Variants in HMGN3 observed in about 807,000 individuals in gnomAD.
HMGN3 encodes high mobility group nucleosomal binding domain 3, also known as high mobility group nucleosome-binding domain-containing protein 3.
In HMGN3, 6 loss-of-function variants were observed where a neutral mutation model predicts 18.8. That is an observed-to-expected ratio of 0.32 (90% CI 0.18 to 0.63). The LOEUF (loss-of-function observed/expected upper bound fraction) is 0.63. Among genes scored for constraint, HMGN3 ranks in the 30% least tolerant of loss-of-function variants. The pLI is 0.79. For synonymous variants in HMGN3, 40 were observed against 36.5 expected (o/e 1.10, Z -0.35); for missense variants, 107 against 114.2 (o/e 0.94, Z 0.29).
intron 1 of HMGN3, among the ~76,000 whole-genome samples, chr6:79,219,755 G>T (rs1225663754): frequency 6.6e-6 from 1 of 152,036 alleles, no homozygotes; most frequent in Admixed American, 6.6e-5. Context: ...TGCAAAAAAA[G>T]ATTAATGAGA....
At chr6:79,210,449 C>G (rs1224572042) in intron 2 of HMGN3, among the ~76,000 whole-genome samples, 4 of 152,196 alleles carry the variant, frequency 2.6e-5, no homozygotes, top group African/African-American at 7.2e-5. Flanking sequence ...TTGATGTCAA[C>G]TCATGTGCAC....
chr6:79,207,104 A>T (rs1161337950), intron 3 of HMGN3, among the ~76,000 whole-genome samples: 1 of 152,194 alleles, frequency 6.6e-6, no homozygotes, highest in Middle Eastern at 3.2e-3. Flanking sequence ...AGTGGAAGGG[A>T]ATTGCCTTAT....
chr6:79,215,363 A>G (rs1338153435), intron 1 of HMGN3, among the ~76,000 whole-genome samples: 1 of 152,198 alleles, frequency 6.6e-6, no homozygotes, highest in Non-Finnish European at 1.5e-5. Context: ...AATGCCTGGG[A>G]GCCACCCTCT....
intron 1 of HMGN3, among the ~76,000 whole-genome samples, chr6:79,229,751 G>A (rs566972793): frequency 2.0e-5 from 3 of 151,974 alleles, no homozygotes; most frequent in Non-Finnish European, 4.4e-5. Flanking sequence ...AGTGGCGGGC[G>A]CCTGTAGTCC....
intron 1 of HMGN3, among the ~76,000 whole-genome samples, chr6:79,217,971 A>G (rs1777079464): frequency 6.6e-6 from 1 of 152,260 alleles, no homozygotes; most frequent in South Asian, 2.1e-4. Context: ...CCCACTCTCC[A>G]GGACACAACA....
At chr6:79,226,107 C>A (rs1777554468) in intron 1 of HMGN3, among the ~76,000 whole-genome samples, 1 of 152,102 alleles carries the variant, frequency 6.6e-6, no homozygotes, top group Non-Finnish European at 1.5e-5. Flanking sequence ...AGCAAAATTC[C>A]TGAGTAAAAG....
chr6:79,220,126 C>T (rs1053442764), intron 1 of HMGN3, among the ~76,000 whole-genome samples: 5 of 151,994 alleles, frequency 3.3e-5, no homozygotes, highest in Non-Finnish European at 7.4e-5. Flanking sequence ...ATACTATGGT[C>T]CTGGTTTTGT....
At chr6:79,217,910 G>A (rs1777074948) in intron 1 of HMGN3, among the ~76,000 whole-genome samples, 1 of 152,238 alleles carries the variant, frequency 6.6e-6, no homozygotes, top group Admixed American at 6.5e-5. Context: ...TGTGAAAGAT[G>A]AGGAGAGTTA....
intron 1 of HMGN3, among the ~76,000 whole-genome samples, chr6:79,225,065 A>G (rs1777501537): frequency 6.6e-6 from 1 of 152,248 alleles, no homozygotes; most frequent in South Asian, 2.1e-4. Context: ...ATGGAACTTA[A>G]GGAGCCTTTA....
intron 5 of HMGN3, 47 bp from the exon 6 acceptor site, chr6:79,202,202 A>G: frequency 6.2e-7 from 1 of 1,611,026 alleles, no homozygotes; most frequent in African/African-American, 1.3e-5. Flanking sequence ...AGAACGTGCT[A>G]TCACCGGCTG....
At chr6:79,214,869 T>C (rs1239861054) in intron 2 of HMGN3, 103 bp downstream of exon 2, 18 of 710,268 alleles carry the variant, frequency 2.5e-5, no homozygotes, top group Non-Finnish European at 4.1e-5. Flanking sequence ...TATTAAACTT[T>C]GTTCATACAA....
At position 79,227,529 on chromosome 6, in the gene HMGN3, C is replaced by T. The variant is rs1223675886; in HGVS notation, c.15+7017G>A. On this transcript the variant is annotated intron_variant, in intron 1 of 5. Transcript: ENST00000344726. ...TTAAAAATCTCATAATCACAACAAA[C>T]ATCCATTGATTGTTTTACACATATC... Among the ~76,000 whole-genome samples, 6 of 152,188 alleles carry T rather than the reference C, an allele frequency of 3.9e-5. No individual in the cohort carries two copies. In the East Asian group the frequency reaches 1.2e-3, roughly 29 times the overall value.
At chr6:79,215,006 T>C in exon 2 of HMGN3, 1 of 1,515,740 alleles carries the variant, frequency 6.6e-7, no homozygotes, top group Non-Finnish European at 9.0e-7. Flanking sequence ...ATCTTTGCCC[T>C]CTGTATTCTC....
Position 79,207,028 on chromosome 6 carries a change from C to T in HMGN3, c.96+1519G>A, listed in dbSNP as rs554613192. On this transcript the variant is annotated intron_variant, in intron 3 of 5. Transcript: ENST00000344726. Reference sequence around the variant, plus strand: ...CTCCCATTTGGAATGGATGTATTTACCCAATATCTGTATCCCCATTTTACC... The same window carrying T: ...CTCCCATTTGGAATGGATGTATTTATCCAATATCTGTATCCCCATTTTACC... Among the ~76,000 whole-genome samples, 7 of 152,288 alleles carry T rather than the reference C, an allele frequency of 4.6e-5. No homozygotes were observed. The East Asian group carries it at 1.4e-3, about 29-fold the overall frequency.
chr6:79,201,749 A>C, intron 5 of HMGN3, 23 bp from the exon 7 acceptor site: 1 of 1,607,194 alleles, frequency 6.2e-7, no homozygotes, highest in Admixed American at 1.7e-5. Flanking sequence ...AAGGAAAAAA[A>C]AACATATAGT....
intron 2 of HMGN3, among the ~76,000 whole-genome samples, chr6:79,214,391 T>C (rs190943881): frequency 0.025 from 3,731 of 151,960 alleles, 72 homozygotes; most frequent in Non-Finnish European, 0.037. Context: ...TTAGTAGAGA[T>C]GGGGTTTCAC....
In HMGN3 at chr6:79,211,000, G is replaced by A. The variant is rs560167031; in HGVS notation, c.67-2424C>T. 2.5e-4 allele frequency among the ~76,000 whole-genome samples: 14 copies of A among 56,816 alleles called. No homozygotes were observed. The East Asian group carries it at 8.6e-3, about 35-fold the overall frequency. The allele number at this position is 56,816 out of a possible 152,430, so 37.3% of individuals were successfully genotyped here. On this transcript the variant is annotated intron_variant, in intron 2 of 5. Coordinates refer to ENST00000344726, the Ensembl canonical transcript of HMGN3. ...CAGGAGTTCCAAAATAAAAAGCCTC[G>A]GAAATTAATGCAAAAAAAAAAAAAA...
intron 2 of HMGN3, among the ~76,000 whole-genome samples, chr6:79,212,494 G>A (rs533934782): frequency 6.6e-6 from 1 of 152,280 alleles, no homozygotes; most frequent in South Asian, 2.1e-4. Context: ...GGGATCTGGA[G>A]AGCTTAGAAC....
chr6:79,206,421 A>C (rs1026320086), intron 3 of HMGN3, among the ~76,000 whole-genome samples: 1 of 152,178 alleles, frequency 6.6e-6, no homozygotes, highest in Non-Finnish European at 1.5e-5. Flanking sequence ...TGTGACTAAA[A>C]GGGGCTAAGG....
Sources: gnomAD v4.1 joint callset for allele counts (sites outside exome capture counted in the v4.1 genomes callset) on GRCh38, gnomAD v4.1.1 for gene constraint, MANE v1.5 for transcripts, NCBI Gene and HGNC (gene_info 2026-07-23, HGNC 2026-07-21) for gene names.